Variants in PTPRT observed in about 807,000 individuals in gnomAD.
PTPRT encodes the protein protein tyrosine phosphatase receptor type T.
In PTPRT, 56 loss-of-function variants were observed where a neutral mutation model predicts 176.8. The observed-to-expected ratio is 0.32, with a 90% CI of 0.26 to 0.40. The LOEUF (loss-of-function observed/expected upper bound fraction) is 0.40. PTPRT is among the 10% of genes least tolerant of loss of function. PTPRT has a pLI of 1.00. For missense variants in PTPRT, 1,540 were observed against 1,908.2 expected (o/e 0.81, Z 3.60); for synonymous variants, 783 against 739.0 (o/e 1.06, Z -0.96).
intron 19 of PTPRT, among the ~76,000 whole-genome samples, 157 bp from the exon 20 acceptor site, chr20:42,120,128 A>T (rs1987511029): frequency 6.6e-6 from 1 of 152,218 alleles, no homozygotes; most frequent in African/African-American, 2.4e-5. Flanking sequence ...TAAATGAGAT[A>T]TTGCACATAA....
chr20:42,302,013 T>C (rs1454565720), intron 12 of PTPRT, among the ~76,000 whole-genome samples: 1 of 152,138 alleles, frequency 6.6e-6, no homozygotes, highest in African/African-American at 2.4e-5. Flanking sequence ...GAGTATGTCA[T>C]CAATAAAAAA....
At chr20:42,738,683 A>G (rs2076569663) in intron 6 of PTPRT, among the ~76,000 whole-genome samples, 1 of 152,208 alleles carries the variant, frequency 6.6e-6, no homozygotes, top group African/African-American at 2.4e-5. Context: ...CAGGTATTTA[A>G]TAAATATTTG....
At chr20:42,784,127 C>T (rs1236291878) in intron 3 of PTPRT, among the ~76,000 whole-genome samples, 1 of 152,192 alleles carries the variant, frequency 6.6e-6, no homozygotes, top group African/African-American at 2.4e-5. Context: ...AGGTGAAAAC[C>T]TCTCCCTGTG....
intron 7 of PTPRT, among the ~76,000 whole-genome samples, chr20:42,515,287 A>G (rs2072039957): frequency 6.6e-6 from 1 of 152,230 alleles, no homozygotes; most frequent in South Asian, 2.1e-4. Context: ...GTTTGAGACC[A>G]GCCTGGCCAA....
chr20:43,167,384 C>T (rs1254786016), intron 1 of PTPRT, among the ~76,000 whole-genome samples: 1 of 152,150 alleles, frequency 6.6e-6, no homozygotes, highest in African/African-American at 2.4e-5. Context: ...TCAACCCATC[C>T]TATGTCCATA....
At chr20:42,780,128 G>A (rs779897153) in intron 4 of PTPRT, 90 bp downstream of exon 4, 1 of 1,048,544 alleles carries the variant, frequency 9.5e-7, no homozygotes, top group Non-Finnish European at 1.5e-6. Flanking sequence ...AGAGATGTTT[G>A]TAAGCTGAAT....
At chr20:42,112,847 T>A (rs1332287775) in intron 22 of PTPRT, among the ~76,000 whole-genome samples, 1 of 152,260 alleles carries the variant, frequency 6.6e-6, no homozygotes, top group Non-Finnish European at 1.5e-5. Context: ...GATGCCCAGA[T>A]GAAGGCAGTG....
At chr20:42,542,797 T>A (rs991140721) in intron 7 of PTPRT, among the ~76,000 whole-genome samples, 8 of 152,214 alleles carry the variant, frequency 5.3e-5, no homozygotes, top group Non-Finnish European at 1.0e-4. Flanking sequence ...CATGAAATCA[T>A]AGCCATTTTA....
intron 11 of PTPRT, among the ~76,000 whole-genome samples, chr20:42,350,229 T>TTG (rs1555830573): frequency 0.046 from 4,394 of 96,080 alleles, 265 homozygotes; most frequent in African/African-American, 0.12. Flanking sequence ...TTTTTTTTTT[T>TTG]TTTTTTTTTT....
intron 2 of PTPRT, among the ~76,000 whole-genome samples, chr20:42,818,503 C>T (rs2145645592): frequency 6.6e-6 from 1 of 152,316 alleles, no homozygotes; most frequent in South Asian, 2.1e-4. Context: ...ACTGCAACGT[C>T]GTTCCATCAC....
intron 7 of PTPRT, among the ~76,000 whole-genome samples, chr20:42,665,873 C>G (rs2075307186): frequency 6.9e-6 from 1 of 144,450 alleles, no homozygotes; most frequent in Middle Eastern, 3.6e-3. Flanking sequence ...TGTTCTCACT[C>G]ATAGGTGGGA....
intron 7 of PTPRT, among the ~76,000 whole-genome samples, chr20:42,668,688 G>A (rs1569070173): frequency 7.1e-6 from 1 of 140,672 alleles, no homozygotes; most frequent in African/African-American, 2.8e-5. Context: ...GTCCGTCTGC[G>A]GATAATTCTT....
At chr20:42,170,315 T>C (rs939915004) in intron 16 of PTPRT, among the ~76,000 whole-genome samples, 2 of 152,242 alleles carry the variant, frequency 1.3e-5, no homozygotes, top group African/African-American at 4.8e-5. Context: ...TTTTTTTCTG[T>C]TACTGGTATC....
intron 15 of PTPRT, among the ~76,000 whole-genome samples, chr20:42,229,271 C>T (rs1357675623): frequency 6.6e-6 from 1 of 152,178 alleles, no homozygotes; most frequent in Non-Finnish European, 1.5e-5. Context: ...AATCAGACTT[C>T]CCACCAAGGT....
chr20:42,189,099 G>C (rs1990891687), intron 16 of PTPRT, among the ~76,000 whole-genome samples: 1 of 151,844 alleles, frequency 6.6e-6, no homozygotes, highest in Non-Finnish European at 1.5e-5. Context: ...TCCTTTCCAA[G>C]GAGGCTCCAG....
rs569527668 is a variant in PTPRT, at chr20:42,691,530, A to G, written c.860-13371T>C. Among the ~76,000 whole-genome samples the G allele has an allele frequency of 3.3e-5, 5 of 152,328 alleles. No individual in the cohort carries two copies. The South Asian group carries it at 1.0e-3, about 32-fold the overall frequency. ...TCAGGAAGGGGTGTCCAGATGGATTAAGAGGCTTATCCATAGAGCCTACTC... is the reference window on the plus strand; with the variant it reads ...TCAGGAAGGGGTGTCCAGATGGATTGAGAGGCTTATCCATAGAGCCTACTC... On this transcript the variant is annotated intron_variant, in intron 6 of 30. Coordinates refer to ENST00000373187, the MANE Select transcript of PTPRT (RefSeq NM_007050.6).
intron 7 of PTPRT, among the ~76,000 whole-genome samples, chr20:42,587,841 A>C (rs1166567032): frequency 6.6e-6 from 1 of 152,172 alleles, no homozygotes; most frequent in Admixed American, 6.5e-5. Context: ...TCAGTCCCAC[A>C]GACCTGAGTT....
At chr20:42,442,908 T>C (rs2059330049) in intron 9 of PTPRT, among the ~76,000 whole-genome samples, 1 of 152,220 alleles carries the variant, frequency 6.6e-6, no homozygotes, top group Non-Finnish European at 1.5e-5. Flanking sequence ...ACGGTCTGTG[T>C]TCTTGGTGAG....
intron 1 of PTPRT, among the ~76,000 whole-genome samples, chr20:43,156,096 G>T (rs1286769648): frequency 6.6e-6 from 1 of 152,212 alleles, no homozygotes. Context: ...AAAGGCATGG[G>T]GAGTGCTGGG....
Sources: allele counts gnomAD v4.1 joint callset (sites outside exome capture counted in the v4.1 genomes callset), GRCh38; gene constraint gnomAD v4.1.1; transcripts MANE v1.5; gene names NCBI Gene and HGNC (gene_info 2026-07-23, HGNC 2026-07-21).